Variants in RUSF1 observed in about 807,000 individuals in gnomAD.
RUSF1 encodes the protein RUS family member 1, also known as RUS1 family protein C16orf58.
A neutral mutation model predicts 63.0 loss-of-function variants in RUSF1; 58 were observed. The ratio of observed to expected loss-of-function variants is 0.92; its 90% CI spans 0.75 to 1.15. The LOEUF (loss-of-function observed/expected upper bound fraction) is 1.15, where lower values mean the gene tolerates loss of function less well. RUSF1 is among the 50% of genes most tolerant of loss of function. The probability of loss-of-function intolerance (pLI) is 0.00; values close to 1 mark genes in which losing one functional copy is unlikely to be tolerated. For missense variants in RUSF1, 652 were observed against 611.0 expected (o/e 1.07, Z -0.71); for synonymous variants, 274 against 255.8 (o/e 1.07, Z -0.68).
Position 31,491,993 on chromosome 16 carries a change from G to A in RUSF1, c.1309+16C>T. The A allele has an allele frequency of 6.2e-7, 1 of 1,613,868 alleles. No individual in the cohort carries two copies. The highest frequency in any genetic ancestry group is 8.5e-7 in the Non-Finnish European group (1 of 1,179,798). ...AGGCTTCAGGGGCCAAGCAGCCATG[G>A]GCTGAGGGATGTTACCTTTCAAGAA... On this transcript the variant is annotated intron_variant, in intron 12 of 12. Coordinates refer to ENST00000327237, the MANE Select transcript of RUSF1 (RefSeq NM_022744.4).
At chr16:31,495,166 G>T (rs1375463873) in intron 6 of RUSF1, among the ~76,000 whole-genome samples, 4 of 152,162 alleles carry the variant, frequency 2.6e-5, no homozygotes, top group Non-Finnish European at 4.4e-5. Context: ...TAGGGGAAGG[G>T]ACCCCAGGCT....
At chr16:31,491,689 T>C (rs1251495154) in intron 12 of RUSF1, among the ~76,000 whole-genome samples, 1 of 150,610 alleles carries the variant, frequency 6.6e-6, no homozygotes, top group Non-Finnish European at 1.5e-5. Flanking sequence ...TGGCTCACTG[T>C]AGCCTCGACC....
At chr16:31,507,909 G>C in intron 1 of RUSF1, 31 bp from the exon 2 acceptor site, 1 of 1,548,316 alleles carries the variant, frequency 6.5e-7, no homozygotes. Context: ...GGTGAGAAGC[G>C]GGCGTAGGAG....
At position 31,499,482 on chromosome 16, in the gene RUSF1, C is replaced by T; in HGVS notation, c.494+11G>A. ...GGAAGACTCCCCTCCCCCGTCCCCG[C>T]CCCTCCTCACCTCCACTGCTTGGCA... On this transcript the variant is annotated intron_variant, in intron 4 of 12. Coordinates refer to ENST00000327237, the MANE Select transcript of RUSF1 (RefSeq NM_022744.4). The T allele has an allele frequency of 6.2e-7, 1 of 1,608,502 alleles. No homozygotes were observed. Among genetic ancestry groups the T allele is most frequent in the Non-Finnish European group, 8.5e-7 (1 of 1,177,578 alleles).
intron 2 of RUSF1, among the ~76,000 whole-genome samples, chr16:31,501,005 G>A (rs2082630546): frequency 6.6e-6 from 1 of 152,134 alleles, no homozygotes; most frequent in Admixed American, 6.5e-5. Context: ...TGCAAATGTT[G>A]ACTGACAGAA....
chr16:31,497,463 G>A (rs1412490648), intron 5 of RUSF1, among the ~76,000 whole-genome samples: 1 of 152,082 alleles, frequency 6.6e-6, no homozygotes, highest in African/African-American at 2.4e-5. Flanking sequence ...CAATCATCCC[G>A]AGTTCATCAA....
intron 1 of RUSF1, 26 bp from the exon 2 acceptor site, chr16:31,507,904 G>T: frequency 6.4e-7 from 1 of 1,550,480 alleles, no homozygotes. Context: ...AGTAGGGTGA[G>T]AAGCGGGCGT....
At position 31,499,417 on chromosome 16, in the gene RUSF1, G is replaced by C. The variant is rs775116473; in HGVS notation, c.495-10C>G. ...GATGTCCGCAAAAAGCCTGGGGAGG[G>C]ATCAGAGGTTAGAGGTCAGAGGTAG... On this transcript the variant is annotated splice_polypyrimidine_tract_variant and intron_variant, in intron 4 of 12. Coordinates refer to ENST00000327237, the MANE Select transcript of RUSF1 (RefSeq NM_022744.4). 2 of 1,613,850 alleles carry C rather than the reference G, an allele frequency of 1.2e-6. No homozygotes were observed. The highest frequency in any genetic ancestry group is 2.2e-5 in the South Asian group (2 of 91,062).
intron 3 of RUSF1, 100 bp from the exon 4 acceptor site, chr16:31,499,625 A>G: frequency 8.7e-7 from 1 of 1,154,444 alleles, no homozygotes; most frequent in Non-Finnish European, 1.2e-6. Flanking sequence ...TGAAGAGCTC[A>G]GGAAAACCCA....
At chr16:31,502,420 T>A (rs2082637513) in intron 2 of RUSF1, among the ~76,000 whole-genome samples, 1 of 152,198 alleles carries the variant, frequency 6.6e-6, no homozygotes, top group South Asian at 2.1e-4. Context: ...TGCTTTTTCA[T>A]CTTCACAATG....
At chr16:31,492,373 G>C (rs200612071) in intron 10 of RUSF1, 33 bp from the exon 11 acceptor site, 50 of 1,514,376 alleles carry the variant, frequency 3.3e-5, no homozygotes, top group Non-Finnish European at 4.2e-5. Flanking sequence ...TGGTATCAGG[G>C]AAGGGCCACC....
rs765685538 is a variant in RUSF1 at position 31,492,040 on chromosome 16, C to T, written c.1278G>A (p.Val426=). Residue 426 remains valine (V), a synonymous_variant, in exon 12 of 13, where the codon GTG becomes GTA. Transcript: ENST00000327237. ...AGAACTTTGGGAACAGCATGTCCAA[C>T]ACTTCGTGTGTCTCCTTGACGACGA... is the stretch of plus-strand genomic sequence containing the variant. The part of the protein sequence containing the change: ...SWVVVKETHE[V]LDMLFPKFLK... 4 of 1,614,094 alleles carry T rather than the reference C, an allele frequency of 2.5e-6. No homozygotes were observed. In the African/African-American group the frequency reaches 5.3e-5, roughly 22 times the overall value.
Position 31,489,993 on chromosome 16 carries a change from A to C in RUSF1, c.*842T>G, listed in dbSNP as rs2082546958. On this transcript the variant is annotated 3_prime_UTR_variant, in exon 13 of 13. Coordinates refer to ENST00000327237, the MANE Select transcript of RUSF1 (RefSeq NM_022744.4). The stretch of plus-strand genomic sequence containing the variant: ...AGTTAAGCCTGGGCTGGGTGTGTAG[A>C]CTGGACAGAGGTGGGTAGGGCAGGC... 7.0e-7 allele frequency: 1 copy of C among 1,436,656 alleles called. No homozygotes were observed. Among genetic ancestry groups the C allele is most frequent in the Middle Eastern group, 2.4e-4 (1 of 4,210 alleles). The allele number at this position is 1,436,656 out of a possible 1,614,324, so 89.0% of individuals were successfully genotyped here.
At chr16:31,501,424 A>G (rs1490058680) in intron 2 of RUSF1, among the ~76,000 whole-genome samples, 1 of 152,086 alleles carries the variant, frequency 6.6e-6, no homozygotes, top group Admixed American at 6.6e-5. Context: ...GCAAGACCCC[A>G]TCTCTACAAA....
rs114240703 is a variant in RUSF1 at position 31,494,601 on chromosome 16, T to C, written c.703-665A>G. Among the ~76,000 whole-genome samples the C allele has an allele frequency of 4.9e-3, 748 of 152,228 alleles. 7 individuals carry two copies. Among genetic ancestry groups the C allele is most frequent in the African/African-American group, 0.017 (719 of 41,536 alleles). ...CAGTGATACCCTGTCTAAATACATA[T>C]GTGTATCAGTTGCTTTTTTGCCCAG... On this transcript the variant is annotated intron_variant, in intron 6 of 12. Coordinates refer to ENST00000327237, the MANE Select transcript of RUSF1 (RefSeq NM_022744.4).
At chr16:31,499,126 G>A in intron 5 of RUSF1, 176 bp downstream of exon 5, 1 of 644,656 alleles carries the variant, frequency 1.6e-6, no homozygotes, top group Non-Finnish European at 2.8e-6. Context: ...ACACTTTCTG[G>A]GGCACTAGAT....
chr16:31,508,226 C>G lies in RUSF1; in HGVS notation c.148G>C (p.Val50Leu). The part of the protein sequence containing the change: ...RWWGLSRAFT[V>L]KPEGRDAGEV... ...CCCGCATCTCGTCCTTCAGGTTTGA[C>G]CGTGAAGGCCCTGGAGAGCCCCCAC... The change falls in exon 1 of 13, where the codon GTC (valine) becomes CTC (leucine). Residue 50 changes from valine to leucine, a missense_variant. By Grantham distance (32) the Val-to-Leu change is conservative (BLOSUM62 1). Coordinates refer to ENST00000327237, the MANE Select transcript of RUSF1 (RefSeq NM_022744.4). 1.9e-6 allele frequency: 3 copies of G among 1,563,762 alleles called. No individual in the cohort carries two copies. The highest frequency in any genetic ancestry group is 3.3e-4 in the Middle Eastern group (2 of 5,986).
At chr16:31,500,492 G>C (rs2142655261) in intron 3 of RUSF1, among the ~76,000 whole-genome samples, 194 bp downstream of exon 3, 1 of 152,354 alleles carries the variant, frequency 6.6e-6, no homozygotes, top group East Asian at 1.9e-4. Context: ...CAGAGGCTCA[G>C]GGGGCACAGT....
At chr16:31,499,206 T>G (rs1327858602) in intron 5 of RUSF1, 96 bp downstream of exon 5, 2 of 1,124,332 alleles carry the variant, frequency 1.8e-6, no homozygotes, top group South Asian at 1.3e-5. Flanking sequence ...TTTCTTATTC[T>G]TCTTGAAGTG....
Sources: allele counts gnomAD v4.1 joint callset (sites outside exome capture counted in the v4.1 genomes callset), GRCh38; gene constraint gnomAD v4.1.1; transcripts MANE v1.5; gene names NCBI Gene and HGNC (gene_info 2026-07-23, HGNC 2026-07-21).